MGAT4C: variants seen among roughly 807,000 people sequenced by gnomAD.
MGAT4C encodes the protein MGAT4 family member C.
In MGAT4C, 19 loss-of-function variants were observed where a neutral mutation model predicts 40.1. The observed-to-expected ratio is 0.47, with a 90% CI of 0.33 to 0.70. The LOEUF is 0.70. Among genes scored for constraint, MGAT4C ranks in the 30% least tolerant of loss-of-function variants. MGAT4C has a pLI of 0.02. For synonymous variants in MGAT4C, 181 were observed against 187.1 expected, an observed-to-expected ratio of 0.97 and a Z score of 0.27; for missense variants, 491 against 563.2, an observed-to-expected ratio of 0.87 and a Z score of 1.30.
chr12:85,974,912 C>A lies in MGAT4C; in HGVS notation c.*4377G>T, dbSNP rs1883861622. On this transcript the variant is annotated 3_prime_UTR_variant, in exon 5 of 5. Coordinates refer to ENST00000611864, the MANE Select transcript of MGAT4C (RefSeq NM_001351288.2). ...ACTTTTGCCAATGATAGAAAAGATG[C>A]CAGAGAACCGGATCCTGACATTAAA... 1 of 149,658 alleles carries A rather than the reference C, an allele frequency of 6.7e-6. No homozygotes were observed. The allele number at this position is 149,658 out of a possible 1,614,324, so 9.3% of individuals were successfully genotyped here.
intron 2 of MGAT4C, among the ~76,000 whole-genome samples, chr12:86,640,334 A>C (rs1330820139): frequency 6.6e-6 from 1 of 151,812 alleles, no homozygotes; most frequent in Non-Finnish European, 1.5e-5. Context: ...ATTTTGATTG[A>C]ATAAAGTTTA....
At chr12:86,134,130 T>A (rs1881619974) in intron 1 of MGAT4C, among the ~76,000 whole-genome samples, 1 of 152,150 alleles carries the variant, frequency 6.6e-6, no homozygotes, top group African/African-American at 2.4e-5. Context: ...TGACCATTTT[T>A]GTTTTCAGTT....
chr12:86,693,527 C>G (rs1005431729), intron 2 of MGAT4C, among the ~76,000 whole-genome samples: 1 of 151,980 alleles, frequency 6.6e-6, no homozygotes, highest in African/African-American at 2.4e-5. Flanking sequence ...TAAGTATTAG[C>G]TAATTAGCTT....
intron 1 of MGAT4C, among the ~76,000 whole-genome samples, chr12:86,795,612 GAGAA>G (rs889194620): frequency 9.4e-4 from 141 of 149,942 alleles, no homozygotes; most frequent in African/African-American, 3.1e-3. Flanking sequence ...GAGAGAGAGA[GAGAA>G]AGAGAGAGAG....
chr12:86,672,411 A>G lies in MGAT4C; in HGVS notation c.-229+54798T>C, dbSNP rs144646550. Among the ~76,000 whole-genome samples the G allele has an allele frequency of 8.6e-3, 1,316 of 152,244 alleles. 8 individuals carry two copies. The highest frequency in any genetic ancestry group is 0.017 in the Middle Eastern group (5 of 294). On this transcript the variant is annotated intron_variant, in intron 2 of 7. Coordinates refer to the MGAT4C transcript ENST00000548651. ...ATCAAACCCAAAATTAGTAGAATAAAAGAATTAATTGAAGATCAGAGCACA... is the reference window on the plus strand; with the variant it reads ...ATCAAACCCAAAATTAGTAGAATAAGAGAATTAATTGAAGATCAGAGCACA...
chr12:86,334,108 G>T (rs1954734745), exon 4 of MGAT4C: 2 of 152,040 alleles, frequency 1.3e-5, no homozygotes, highest in African/African-American at 4.8e-5. Flanking sequence ...CAGAATCAGG[G>T]CTGTGCTTTC....
chr12:86,806,591 G>A (rs977933097), intron 1 of MGAT4C, among the ~76,000 whole-genome samples: 3 of 151,752 alleles, frequency 2.0e-5, no homozygotes, highest in East Asian at 1.9e-4. Flanking sequence ...CTATTACCAC[G>A]CCCATCTCTT....
At chr12:86,277,750 CTA>C (rs1197763748) in intron 4 of MGAT4C, among the ~76,000 whole-genome samples, 1 of 151,988 alleles carries the variant, frequency 6.6e-6, no homozygotes, top group Non-Finnish European at 1.5e-5. Context: ...TTCCATTGGT[CTA>C]TGTGTCTTTT....
At chr12:86,102,345 C>T (rs948151657) in intron 1 of MGAT4C, among the ~76,000 whole-genome samples, 2 of 151,718 alleles carry the variant, frequency 1.3e-5, no homozygotes, top group Non-Finnish European at 2.9e-5. Flanking sequence ...TTTCTTTTTA[C>T]TTAAGAAAAA....
chr12:86,277,679 A>C (rs768924102), intron 4 of MGAT4C, among the ~76,000 whole-genome samples: 4 of 152,090 alleles, frequency 2.6e-5, no homozygotes, highest in African/African-American at 4.8e-5. Flanking sequence ...TGTTCTTGGC[A>C]CCTTTGTTGA....
chr12:86,069,134 T>C (rs1339150420), intron 1 of MGAT4C, among the ~76,000 whole-genome samples: 1 of 142,128 alleles, frequency 7.0e-6, no homozygotes, highest in Non-Finnish European at 1.6e-5. Flanking sequence ...TGTCATTTTT[T>C]TCTGGAATTT....
intron 2 of MGAT4C, among the ~76,000 whole-genome samples, chr12:86,637,051 C>T (rs1222324064): frequency 6.6e-6 from 1 of 151,810 alleles, no homozygotes; most frequent in African/African-American, 2.4e-5. Flanking sequence ...TATACATCAC[C>T]TTTAGAGCTT....
At chr12:86,772,595 C>T (rs1046636389) in intron 1 of MGAT4C, among the ~76,000 whole-genome samples, 8 of 150,196 alleles carry the variant, frequency 5.3e-5, no homozygotes, top group South Asian at 4.3e-4. Flanking sequence ...GATGAGGCTG[C>T]CACCCTGAGG....
At chr12:86,396,658 G>A (rs1369565368) in intron 3 of MGAT4C, among the ~76,000 whole-genome samples, 2 of 152,156 alleles carry the variant, frequency 1.3e-5, no homozygotes, top group Non-Finnish European at 2.9e-5. Flanking sequence ...AAAGCAGGAA[G>A]TGGCAGGTAA....
chr12:86,597,970 C>T (rs1261153899), intron 2 of MGAT4C, among the ~76,000 whole-genome samples: 1 of 152,128 alleles, frequency 6.6e-6, no homozygotes, highest in East Asian at 1.9e-4. Flanking sequence ...ACTGACTCAC[C>T]TAGAGCAACT....
At chr12:86,160,599 A>C (rs1441665264) in intron 1 of MGAT4C, among the ~76,000 whole-genome samples, 1 of 151,962 alleles carries the variant, frequency 6.6e-6, no homozygotes, top group African/African-American at 2.4e-5. Context: ...CTAATTGGTC[A>C]AGTGTCAAGT....
intron 3 of MGAT4C, among the ~76,000 whole-genome samples, chr12:86,348,575 C>T (rs1955090073): frequency 6.6e-6 from 1 of 152,196 alleles, no homozygotes; most frequent in South Asian, 2.1e-4. Flanking sequence ...ATTTATGTGG[C>T]CCTGGCACTT....
intron 2 of MGAT4C, among the ~76,000 whole-genome samples, chr12:86,443,376 T>C (rs73189371): frequency 6.6e-6 from 1 of 152,146 alleles, no homozygotes; most frequent in Non-Finnish European, 1.5e-5. Flanking sequence ...CATAGAAGCA[T>C]GCTGAATAGA....
At chr12:86,277,068 C>G (rs1340734987) in intron 4 of MGAT4C, among the ~76,000 whole-genome samples, 3 of 152,112 alleles carry the variant, frequency 2.0e-5, no homozygotes, top group Non-Finnish European at 4.4e-5. Flanking sequence ...TGAGAGTTCC[C>G]TTTCTCTATA....
Sources: allele counts gnomAD v4.1 joint callset (sites outside exome capture counted in the v4.1 genomes callset), GRCh38; gene constraint gnomAD v4.1.1; transcripts MANE v1.5; gene names NCBI Gene and HGNC (gene_info 2026-07-23, HGNC 2026-07-21).